ERCC3: variants seen among roughly 807,000 people sequenced by gnomAD.
The protein encoded by ERCC3 is ERCC excision repair 3, TFIIH core complex helicase subunit, also known as general transcription and DNA repair factor IIH helicase/translocase subunit XPB.
Under a neutral mutation model 94.2 loss-of-function variants are expected in ERCC3, and 66 were observed. That is an observed-to-expected ratio of 0.70 (90% CI 0.57 to 0.86). The LOEUF is 0.86. ERCC3 is among the 40% of genes least tolerant of loss of function. The pLI, the probability that ERCC3 is intolerant of heterozygous loss-of-function variation, is 0.00. For missense variants in ERCC3, 829 were observed against 987.1 expected (o/e 0.84, Z 2.15); for synonymous variants, 349 against 369.1 (o/e 0.95, Z 0.63).
At position 127,292,601 on chromosome 2, in the gene ERCC3, G is replaced by C; in HGVS notation, c.471+9C>G. The stretch of plus-strand genomic sequence containing the variant: ...GCAGGTGGAATTGCTGGTCTCAGCT[G>C]TCACTTGCCTTAATAAACTGCATAA... On this transcript the variant is annotated intron_variant, in intron 3 of 14. Transcript: ENST00000285398. 1.9e-6 allele frequency: 3 copies of C among 1,562,444 alleles called. No homozygotes were observed. Among genetic ancestry groups the C allele is most frequent in the Non-Finnish European group, 2.6e-6 (3 of 1,133,384 alleles).
At chr2:127,288,934 G>T in intron 6 of ERCC3, 70 bp from the exon 7 acceptor site, 1 of 1,205,294 alleles carries the variant, frequency 8.3e-7, no homozygotes, top group Non-Finnish European at 1.2e-6. Context: ...TCTTCTAAGA[G>T]GTCCAATGGT....
chr2:127,285,297 C>T (rs189823215), intron 8 of ERCC3, among the ~76,000 whole-genome samples: 3 of 152,146 alleles, frequency 2.0e-5, no homozygotes, highest in East Asian at 1.9e-4. Context: ...CAGTGGCTCA[C>T]GTCTATAATC....
chr2:127,285,068 C>T (rs185018624), intron 8 of ERCC3, among the ~76,000 whole-genome samples: 3 of 152,232 alleles, frequency 2.0e-5, no homozygotes, highest in Admixed American at 2.0e-4. Flanking sequence ...ATAAAAGGAA[C>T]AAACTACTGA....
intron 13 of ERCC3, 180 bp downstream of exon 13, chr2:127,261,048 C>A (rs1009684072): frequency 9.3e-6 from 6 of 646,968 alleles, no homozygotes; most frequent in Non-Finnish European, 1.4e-5. Flanking sequence ...CAGGACGGCA[C>A]ACTTTCCACC....
intron 12 of ERCC3, among the ~76,000 whole-genome samples, chr2:127,268,553 G>A (rs1030972588): frequency 3.2e-4 from 49 of 152,140 alleles, no homozygotes; most frequent in Non-Finnish European, 2.6e-4. Context: ...GTGAGCCGCC[G>A]TGCCCAGCCA....
At chr2:127,272,840 C>T (rs760463594) in intron 11 of ERCC3, 25 bp downstream of exon 11, 5 of 1,507,876 alleles carry the variant, frequency 3.3e-6, no homozygotes, top group African/African-American at 1.4e-5. Flanking sequence ...AGGGGCCTCA[C>T]CTCCACCCCA....
At chr2:127,282,324 A>G (rs1048644872) in intron 8 of ERCC3, among the ~76,000 whole-genome samples, 1 of 152,178 alleles carries the variant, frequency 6.6e-6, no homozygotes, top group Non-Finnish European at 1.5e-5. Context: ...CATGGTTGTC[A>G]TTTGGCATTT....
chr2:127,265,607 C>T (rs1684331035), intron 12 of ERCC3, among the ~76,000 whole-genome samples: 1 of 152,042 alleles, frequency 6.6e-6, no homozygotes, highest in Non-Finnish European at 1.5e-5. Flanking sequence ...TTAGTAGAGA[C>T]GGGGTTTCTC....
rs578126305 is a variant in ERCC3 at position 127,284,766 on chromosome 2, C to T, written c.1342+1937G>A. Among the ~76,000 whole-genome samples, 1 of 152,162 alleles carries T rather than the reference C, an allele frequency of 6.6e-6. No individual in the cohort carries two copies. The highest frequency in any genetic ancestry group is 2.1e-4 in the South Asian group (1 of 4,824). ...TTGCACAATCATGGTTCACTGCAGC[C>T]TCAACCTCCCAGGTTCAAGTGATCC... is the stretch of plus-strand genomic sequence containing the variant. On this transcript the variant is annotated intron_variant, in intron 8 of 14. Transcript: ENST00000285398. This position sits in a 1 kb window ranked among gnomAD's most constrained non-coding sequence, Gnocchi z 4.1.
At chr2:127,289,663 C>T in intron 5 of ERCC3, 26 bp downstream of exon 5, 4 of 1,613,954 alleles carry the variant, frequency 2.5e-6, no homozygotes, top group Non-Finnish European at 3.4e-6. Context: ...TGCCCCCACC[C>T]AAGGGTGGCC....
In ERCC3 at chr2:127,274,732, C is replaced by T. The variant is rs987164001; in HGVS notation, c.1731-1771G>A. On this transcript the variant is annotated intron_variant, in intron 10 of 14. Transcript: ENST00000285398. This position sits in a 1 kb window ranked among gnomAD's most constrained non-coding sequence, Gnocchi z 4.0. ...GTCAGAACAGCCTGACTCTTGAGAC[C>T]CAGGTTTTTAGGTGGTTTTCTCCTC... Among the ~76,000 whole-genome samples, 1 of 152,176 alleles carries T rather than the reference C, an allele frequency of 6.6e-6. No individual in the cohort carries two copies. Among genetic ancestry groups the T allele is most frequent in the African/African-American group, 2.4e-5 (1 of 41,428 alleles).
intron 12 of ERCC3, among the ~76,000 whole-genome samples, chr2:127,270,949 C>T (rs889035727): frequency 3.3e-5 from 5 of 152,232 alleles, no homozygotes; most frequent in African/African-American, 7.2e-5. Flanking sequence ...CCAAACCTTT[C>T]CCTGCCTCCT....
intron 7 of ERCC3, 121 bp from the exon 8 acceptor site, chr2:127,287,138 AC>A: frequency 2.7e-6 from 2 of 740,324 alleles, no homozygotes; most frequent in Non-Finnish European, 4.6e-6. Context: ...CACATAGCTG[AC>A]ATCTGAGCGA....
chr2:127,267,429 CTT>C (rs372128714), intron 12 of ERCC3, among the ~76,000 whole-genome samples: 19 of 144,164 alleles, frequency 1.3e-4, no homozygotes, highest in African/African-American at 3.5e-4. Context: ...CTGCCCCACT[CTT>C]TTTTTTTTTT....
chr2:127,278,870 A>C (rs899441876), intron 10 of ERCC3, among the ~76,000 whole-genome samples: 1 of 151,258 alleles, frequency 6.6e-6, no homozygotes, highest in South Asian at 2.1e-4. Flanking sequence ...CCAAATGCCA[A>C]CTCCCACCCA....
chr2:127,280,727 A>G lies in ERCC3; in HGVS notation c.1343-96T>C. 1 of 1,159,410 alleles carries G rather than the reference A, an allele frequency of 8.6e-7. No individual in the cohort carries two copies. Among genetic ancestry groups the G allele is most frequent in the Admixed American group, 2.0e-5 (1 of 49,066 alleles). 71.8% of individuals were successfully genotyped at this position (1,159,410 alleles called of 1,614,324 possible). A position where few individuals can be genotyped will look rare whatever the true frequency, so the allele number is the denominator to read the frequency against. ...TTTTTTGTAGAGATGGGGTCTCATT[A>G]TATTGCCCAGGCTGGTCTTGAACTC... is the stretch of plus-strand genomic sequence containing the variant. On this transcript the variant is annotated intron_variant, in intron 8 of 14. Coordinates refer to ENST00000285398, the MANE Select transcript of ERCC3 (RefSeq NM_000122.2). The surrounding 1 kb of genome is among the most constrained non-coding windows in gnomAD (Gnocchi z 6.3).
At chr2:127,263,570 G>A (rs1405297878) in intron 12 of ERCC3, among the ~76,000 whole-genome samples, 1 of 152,138 alleles carries the variant, frequency 6.6e-6, no homozygotes, top group African/African-American at 2.4e-5. Context: ...CATTAGGGAA[G>A]ACAGATAATT....
Position 127,288,791 on chromosome 2 carries a change from TTC to T in ERCC3, c.894_895del (p.Asn299Ter). The T allele has an allele frequency of 1.2e-6, 2 of 1,614,058 alleles. No individual in the cohort carries two copies. Among genetic ancestry groups the T allele is most frequent in the Non-Finnish European group, 1.7e-6 (2 of 1,179,918 alleles). On this transcript the variant is annotated frameshift_variant, in exon 7 of 15. Coordinates refer to ENST00000285398, the MANE Select transcript of ERCC3 (RefSeq NM_000122.2). LOFTEE classifies it high-confidence loss of function. ...GTTGATATCAGGGTTGACAGAATCA[TTC>T]CGGAAGTCATATTCTGCCAACAGAG...
intron 2 of ERCC3, 37 bp downstream of exon 2, chr2:127,293,476 C>T (rs1191355471): frequency 1.0e-5 from 16 of 1,590,494 alleles, no homozygotes; most frequent in Non-Finnish European, 4.3e-6. Context: ...CCGCTCCGCA[C>T]ACTCCTGGGC....
Sources: gnomAD v4.1 joint callset for allele counts (sites outside exome capture counted in the v4.1 genomes callset) on GRCh38, gnomAD v4.1.1 for gene constraint, Gnocchi (gnomAD v3.1) non-coding constraint, MANE v1.5 for transcripts, NCBI Gene and HGNC (gene_info 2026-07-23, HGNC 2026-07-21) for gene names.